The following USP25 variants were observed in gnomAD, a reference collection of about 807,000 sequenced individuals.
USP25 encodes the protein ubiquitin carboxyl-terminal hydrolase 25.
Under a neutral mutation model 158.5 loss-of-function variants are expected in USP25, and 85 were observed. That is an observed-to-expected ratio of 0.54 (90% CI 0.45 to 0.64). The LOEUF (loss-of-function observed/expected upper bound fraction) is 0.64, where lower values mean the gene tolerates loss of function less well. Ranked by LOEUF, USP25 falls within the 30% of genes least tolerant of loss-of-function variation. USP25 has a pLI of 0.00. For missense variants in USP25, 1,242 were observed against 1,327.3 expected, an observed-to-expected ratio of 0.94 and a Z score of 1.00; for synonymous variants, 464 against 460.4, an observed-to-expected ratio of 1.01 and a Z score of -0.10.
rs899404540 is a variant in USP25, at chr21:15,775,743, C to A, written c.269-2161C>A. On this transcript the variant is annotated intron_variant, in intron 3 of 25. Transcript: ENST00000400183. ...GGCAACAGGATAATGGTTGCCACCC[C>A]CCCCCCCCCCCGCCCCCGCTGCACT... Among the ~76,000 whole-genome samples, 45 of 56,416 alleles carry A rather than the reference C, an allele frequency of 8.0e-4. 2 individuals are homozygous for A. Among genetic ancestry groups the A allele is most frequent in the African/African-American group, 2.5e-3 (32 of 12,714 alleles). The allele number at this position is 56,416 out of a possible 152,430, so 37.0% of individuals were successfully genotyped here.
chr21:15,815,144 C>T (rs925521940), intron 9 of USP25, among the ~76,000 whole-genome samples: 1 of 152,192 alleles, frequency 6.6e-6, no homozygotes, highest in Non-Finnish European at 1.5e-5. Context: ...CAAACCTTGG[C>T]ACCTTCCACG....
chr21:15,786,894 A>G (rs1476148252), intron 4 of USP25, among the ~76,000 whole-genome samples: 1 of 152,166 alleles, frequency 6.6e-6, no homozygotes, highest in Non-Finnish European at 1.5e-5. Context: ...AAAAACTGCT[A>G]CAACTCATAA....
rs2040209636 is a variant in USP25 at position 15,879,308 on chromosome 21, A to G, written c.*833A>G. ...AATAAGGGCTATTGTAAAATTTAAAAGAAATATTTATATATACACATATAT... is the reference window on the plus strand; with the variant it reads ...AATAAGGGCTATTGTAAAATTTAAAGGAAATATTTATATATACACATATAT... On this transcript the variant is annotated 3_prime_UTR_variant, in exon 26 of 26. Transcript: ENST00000400183. 1 of 152,532 alleles carries G rather than the reference A, an allele frequency of 6.6e-6. No homozygotes were observed. The highest frequency in any genetic ancestry group is 1.5e-5 in the Non-Finnish European group (1 of 67,984). The allele number at this position is 152,532 out of a possible 1,614,324, so 9.4% of individuals were successfully genotyped here.
intron 4 of USP25, among the ~76,000 whole-genome samples, chr21:15,778,757 A>G (rs560375989): frequency 6.6e-6 from 1 of 152,282 alleles, no homozygotes; most frequent in Admixed American, 6.5e-5. Flanking sequence ...AATAAGCCAT[A>G]AAGTTGTAAC....
At chr21:15,830,694 A>G (rs2037756295) in intron 15 of USP25, 93 bp downstream of exon 15, 2 of 1,074,488 alleles carry the variant, frequency 1.9e-6, no homozygotes, top group Non-Finnish European at 2.5e-6. Flanking sequence ...TTTTCTTTAC[A>G]TGTTTTGTTT....
chr21:15,860,816 CAATT>C (rs2039391405), intron 20 of USP25, among the ~76,000 whole-genome samples: 2 of 152,058 alleles, frequency 1.3e-5, no homozygotes, highest in South Asian at 2.1e-4. Context: ...TTCTATGTCA[CAATT>C]AATTATAAAT....
At chr21:15,760,759 T>G (rs2033675735) in intron 1 of USP25, among the ~76,000 whole-genome samples, 1 of 152,200 alleles carries the variant, frequency 6.6e-6, no homozygotes, top group African/African-American at 2.4e-5. Context: ...TCCATAACTT[T>G]TTTTCTCCCC....
intron 15 of USP25, among the ~76,000 whole-genome samples, chr21:15,831,072 T>G (rs2037775270): frequency 6.6e-6 from 1 of 152,212 alleles, no homozygotes; most frequent in African/African-American, 2.4e-5. Flanking sequence ...TAGACACATT[T>G]GCTATATGTA....
chr21:15,763,897 A>C (rs569481325), intron 2 of USP25, among the ~76,000 whole-genome samples: 1 of 152,286 alleles, frequency 6.6e-6, no homozygotes, highest in East Asian at 1.9e-4. Flanking sequence ...CATCCCCTTT[A>C]TGAAAAGATG....
chr21:15,817,790 G>C (rs928355196), intron 9 of USP25, among the ~76,000 whole-genome samples: 1 of 152,148 alleles, frequency 6.6e-6, no homozygotes, highest in Admixed American at 6.6e-5. Flanking sequence ...CCGCCCCCAT[G>C]ATTGAATTAT....
intron 8 of USP25, among the ~76,000 whole-genome samples, chr21:15,809,913 T>C (rs1045248865): frequency 6.6e-6 from 1 of 152,142 alleles, no homozygotes; most frequent in African/African-American, 2.4e-5. Flanking sequence ...GGACAGGTAC[T>C]ATAAATCACT....
At chr21:15,786,380 T>C (rs1429732060) in intron 4 of USP25, among the ~76,000 whole-genome samples, 36 of 152,064 alleles carry the variant, frequency 2.4e-4, no homozygotes, top group Admixed American at 2.3e-3. Context: ...GCAGAAATTC[T>C]CAACAAGATT....
At chr21:15,786,881 C>A (rs2035305168) in intron 4 of USP25, among the ~76,000 whole-genome samples, 1 of 151,952 alleles carries the variant, frequency 6.6e-6, no homozygotes, top group Non-Finnish European at 1.5e-5. Flanking sequence ...AAAGAGTTCA[C>A]CAAAAAACTG....
At chr21:15,802,901 T>C (rs1793621869) in intron 6 of USP25, among the ~76,000 whole-genome samples, 3 of 151,594 alleles carry the variant, frequency 2.0e-5, no homozygotes, top group Admixed American at 2.0e-4. Flanking sequence ...TTGATGAACT[T>C]CTAGGTAGAC....
intron 3 of USP25, 47 bp from the exon 4 acceptor site, chr21:15,777,854 TTTC>T: frequency 6.6e-7 from 1 of 1,521,170 alleles, no homozygotes; most frequent in Non-Finnish European, 8.8e-7. Context: ...ATAAAAATCC[TTTC>T]ATTTTGTTTT....
At chr21:15,825,321 G>A (rs1394357869) in intron 12 of USP25, among the ~76,000 whole-genome samples, 1 of 152,120 alleles carries the variant, frequency 6.6e-6, no homozygotes, top group African/African-American at 2.4e-5. Context: ...AATGAATATA[G>A]TTTTGACCTT....
intron 20 of USP25, among the ~76,000 whole-genome samples, chr21:15,850,993 T>G (rs765301619): frequency 6.6e-6 from 1 of 152,000 alleles, no homozygotes; most frequent in Non-Finnish European, 1.5e-5. Context: ...AGAAGAAAAA[T>G]GTATTTTTTA....
At chr21:15,848,974 A>G (rs2038758862) in intron 19 of USP25, among the ~76,000 whole-genome samples, 1 of 150,810 alleles carries the variant, frequency 6.6e-6, no homozygotes, top group African/African-American at 2.5e-5. Flanking sequence ...GCTAAAAATA[A>G]TAAGCTATTA....
Position 15,833,499 on chromosome 21 carries a change from G to A in USP25, c.2145G>A (p.Lys715=). 1 of 1,614,004 alleles carries A rather than the reference G, an allele frequency of 6.2e-7. No homozygotes were observed. Among genetic ancestry groups the A allele is most frequent in the Non-Finnish European group, 8.5e-7 (1 of 1,179,954 alleles). ...AQLAQKALQE[K]LLASQKLRES... ...TTGCCCAGAAAGCTTTGCAGGAAAA[G>A]CTTTTAGCGTCTCAGAAATTGAGAG... Residue 715 remains lysine, a synonymous_variant, in exon 17 of 26, where the codon AAG becomes AAA. Coordinates refer to ENST00000400183, the MANE Select transcript of USP25 (RefSeq NM_001283041.3).
Sources: gnomAD v4.1 joint callset for allele counts (sites outside exome capture counted in the v4.1 genomes callset) on GRCh38, gnomAD v4.1.1 for gene constraint, MANE v1.5 for transcripts, NCBI Gene and HGNC (gene_info 2026-07-23, HGNC 2026-07-21) for gene names.